Variants in VPS13D observed in about 807,000 individuals in gnomAD.
VPS13D encodes intermembrane lipid transfer protein VPS13D.
A neutral mutation model predicts 461.9 loss-of-function variants in VPS13D; 187 were observed. The observed-to-expected ratio is 0.40, with a 90% confidence interval of 0.36 to 0.46. The LOEUF (loss-of-function observed/expected upper bound fraction) is 0.46, where lower values mean the gene tolerates loss of function less well. Among genes scored for constraint, VPS13D ranks in the 20% least tolerant of loss-of-function variants. The pLI is 0.60. For synonymous variants in VPS13D, 1,951 were observed against 1,986.3 expected (o/e 0.98, Z 0.47); for missense variants, 4,711 against 5,364.9 (o/e 0.88, Z 3.81).
At chr1:12,389,008 T>G (rs1644387568) in intron 60 of VPS13D, among the ~76,000 whole-genome samples, 1 of 152,190 alleles carries the variant, frequency 6.6e-6, no homozygotes, top group Non-Finnish European at 1.5e-5. Flanking sequence ...AGTATTAACT[T>G]ACATGATCAC....
intron 65 of VPS13D, among the ~76,000 whole-genome samples, chr1:12,446,399 A>G (rs1455905488): frequency 2.0e-5 from 3 of 151,836 alleles, no homozygotes; most frequent in African/African-American, 7.3e-5. Flanking sequence ...CCTGGGTGAC[A>G]GATCAAGACT....
At position 12,262,018 on chromosome 1, in the gene VPS13D, T is replaced by TA; in HGVS notation, c.1533dup (p.His512ThrfsTer11). The TA allele has an allele frequency of 6.2e-7, 1 of 1,614,160 alleles. No individual in the cohort carries two copies. The highest frequency in any genetic ancestry group is 1.1e-5 in the South Asian group (1 of 91,074). ...TTGCAGCGAGGTACAGTGACTCTGTTACACAAGGAGCAAGGAACTCCTCAA... is the reference window on the plus strand; with the variant it reads ...TTGCAGCGAGGTACAGTGACTCTGTTAACACAAGGAGCAAGGAACTCCTCAA... On this transcript the variant is annotated frameshift_variant, in exon 13 of 70. Transcript: ENST00000620676. LOFTEE classifies it high-confidence loss of function.
chr1:12,267,307 G>A (rs578032801), intron 14 of VPS13D, among the ~76,000 whole-genome samples: 18 of 152,218 alleles, frequency 1.2e-4, no homozygotes, highest in African/African-American at 4.3e-4. Flanking sequence ...CTCTGTATCT[G>A]ACAGTCATTT....
intron 10 of VPS13D, among the ~76,000 whole-genome samples, chr1:12,258,987 T>C (rs1165231970): frequency 2.6e-5 from 4 of 152,176 alleles, no homozygotes; most frequent in Non-Finnish European, 5.9e-5. Context: ...AGGAACCTTA[T>C]GAGAAGGATA....
chr1:12,282,758 C>T lies in VPS13D; in HGVS notation c.4656C>T (p.Leu1552=), dbSNP rs144246774. The T allele has an allele frequency of 2.9e-4, 474 of 1,614,048 alleles. 2 individuals are homozygous for T. The highest frequency in any genetic ancestry group is 2.2e-5 in the South Asian group (2 of 91,064). The change falls in exon 21 of 70, where the codon CTC becomes CTT. Residue 1552 remains leucine (L), a synonymous_variant. Coordinates refer to ENST00000620676, the MANE Select transcript of VPS13D (RefSeq NM_015378.4). ...AGGTTTTACAAACCCTGGACAATCT[C>T]GTGTACAGTGAAGATCTGAATAAGT... is the stretch of plus-strand genomic sequence containing the variant. ...YEQVLQTLDN[L]VYSEDLNKYP...
intron 3 of VPS13D, among the ~76,000 whole-genome samples, chr1:12,243,664 C>T (rs1640452855): frequency 6.6e-6 from 1 of 152,234 alleles, no homozygotes. Flanking sequence ...GGAGGCTTGG[C>T]TAGAAATGGA....
In VPS13D at chr1:12,277,232, G is replaced by C; in HGVS notation, c.3644G>C (p.Gly1215Ala). The C allele has an allele frequency of 6.2e-7, 1 of 1,614,218 alleles. No homozygotes were observed. The highest frequency in any genetic ancestry group is 8.5e-7 in the Non-Finnish European group (1 of 1,180,034). The change falls in exon 19 of 70, where the codon GGT becomes GCT. Residue 1215 changes from glycine (G) to alanine (A), a missense_variant. Gly to Ala is a moderately conservative substitution (Grantham distance 60). This residue lies in a region of VPS13D where 4,411 missense variants were observed against 4,937.8 expected (regional missense o/e 0.89). Coordinates refer to ENST00000620676, the MANE Select transcript of VPS13D (RefSeq NM_015378.4). The part of the protein sequence containing the change: ...VSMGSTFDMN[G>A]SLGCLQLMDL... ...ATGGGTAGCACGTTTGACATGAATG[G>C]TTCTCTTGGCTGTTTACAGCTTATG...
At chr1:12,393,217 A>G (rs566804236) in intron 60 of VPS13D, among the ~76,000 whole-genome samples, 131 of 152,362 alleles carry the variant, frequency 8.6e-4, no homozygotes, top group Non-Finnish European at 1.6e-3. Flanking sequence ...ACTGGATCCA[A>G]TCTGCATAAT....
At chr1:12,364,984 A>G (rs1644011035) in intron 52 of VPS13D, among the ~76,000 whole-genome samples, 1 of 152,068 alleles carries the variant, frequency 6.6e-6, no homozygotes, top group South Asian at 2.1e-4. Context: ...GTATGTGGAT[A>G]TTTGGTTTTC....
chr1:12,485,496 A>C (rs966033166), intron 67 of VPS13D, among the ~76,000 whole-genome samples: 2 of 152,256 alleles, frequency 1.3e-5, no homozygotes, highest in Non-Finnish European at 2.9e-5. Context: ...ATTAGGCAGG[A>C]ATCAGCAAAT....
intron 46 of VPS13D, among the ~76,000 whole-genome samples, chr1:12,353,003 A>T (rs1010439137): frequency 4.9e-5 from 7 of 142,514 alleles, no homozygotes; most frequent in Non-Finnish European, 1.1e-4. Context: ...AAAAGGACCC[A>T]GCAAGGCCAC....
intron 67 of VPS13D, among the ~76,000 whole-genome samples, chr1:12,496,256 T>A (rs985811870): frequency 1.1e-4 from 17 of 152,354 alleles, no homozygotes; most frequent in Non-Finnish European, 2.4e-4. Context: ...TTTTTGTCTT[T>A]CCAGCACACA....
At chr1:12,435,333 C>T (rs1050378608) in intron 65 of VPS13D, among the ~76,000 whole-genome samples, 1 of 151,886 alleles carries the variant, frequency 6.6e-6, no homozygotes, top group African/African-American at 2.4e-5. Context: ...TGGTGGCACC[C>T]GCCTGTAGTC....
chr1:12,316,650 G>A (rs1642893745), intron 30 of VPS13D, among the ~76,000 whole-genome samples: 1 of 152,202 alleles, frequency 6.6e-6, no homozygotes, highest in Non-Finnish European at 1.5e-5. Context: ...AGGTTTAGGG[G>A]AAATGAGGAG....
intron 65 of VPS13D, among the ~76,000 whole-genome samples, chr1:12,450,559 C>T (rs1378632929): frequency 6.6e-6 from 1 of 152,168 alleles, no homozygotes; most frequent in Non-Finnish European, 1.5e-5. Flanking sequence ...GGGCTGGTGA[C>T]ATGTGATCCG....
At chr1:12,503,246 A>T (rs1466262430) in intron 68 of VPS13D, among the ~76,000 whole-genome samples, 1 of 152,180 alleles carries the variant, frequency 6.6e-6, no homozygotes. Flanking sequence ...CTGGTGCTGC[A>T]GCCTTCCCTT....
chr1:12,387,997 G>A (rs960625146), intron 60 of VPS13D, among the ~76,000 whole-genome samples: 1 of 152,214 alleles, frequency 6.6e-6, no homozygotes, highest in African/African-American at 2.4e-5. Flanking sequence ...GAAAAAAATA[G>A]TATCAGATTG....
intron 54 of VPS13D, among the ~76,000 whole-genome samples, chr1:12,370,251 G>T (rs1247378807): frequency 6.6e-6 from 1 of 152,182 alleles, no homozygotes; most frequent in Non-Finnish European, 1.5e-5. Context: ...AATTCTGTTA[G>T]ATTGCCACGC....
At position 12,510,247 on chromosome 1, in the gene VPS13D, C is replaced by T. The variant is rs541193420; in HGVS notation, c.*1223C>T. The T allele has an allele frequency of 1.3e-5, 2 of 152,246 alleles. No individual in the cohort carries two copies. Among genetic ancestry groups the T allele is most frequent in the East Asian group, 1.9e-4 (1 of 5,188 alleles). 9.4% of individuals were successfully genotyped at this position (152,246 alleles called of 1,614,324 possible). On this transcript the variant is annotated 3_prime_UTR_variant, in exon 70 of 70. Coordinates refer to ENST00000620676, the MANE Select transcript of VPS13D (RefSeq NM_015378.4). ...GCCCTGGGTCTTGTTTTTGGTGTTT[C>T]GCTTTTCTGTAAGGATTAAGCAGAT...
Sources: allele counts gnomAD v4.1 joint callset (sites outside exome capture counted in the v4.1 genomes callset), GRCh38; gene constraint gnomAD v4.1.1; regional missense constraint gnomAD v4.1.1; transcripts MANE v1.5; gene names NCBI Gene and HGNC (gene_info 2026-07-23, HGNC 2026-07-21).